The following GRID2 variants were observed in gnomAD, a reference collection of about 807,000 sequenced individuals.
GRID2 encodes glutamate ionotropic receptor delta type subunit 2.
In GRID2, 33 loss-of-function variants were observed where a neutral mutation model predicts 114.8. That is an observed-to-expected ratio of 0.29 (90% CI 0.22 to 0.38). The LOEUF (loss-of-function observed/expected upper bound fraction) is 0.38. Ranked by LOEUF, GRID2 falls within the 10% of genes least tolerant of loss-of-function variation. The pLI, the probability that GRID2 is intolerant of heterozygous loss-of-function variation, is 1.00. For synonymous variants in GRID2, 505 were observed against 449.9 expected (o/e 1.12, Z -1.55); for missense variants, 1,184 against 1,257.7 (o/e 0.94, Z 0.89).
intron 1 of GRID2, among the ~76,000 whole-genome samples, chr4:92,421,155 TA>T (rs1235567325): frequency 6.6e-6 from 1 of 152,092 alleles, no homozygotes; most frequent in African/African-American, 2.4e-5. Context: ...CTTTATCTTT[TA>T]TTAATTTTAT....
intron 2 of GRID2, among the ~76,000 whole-genome samples, chr4:92,700,971 G>A (rs1479195155): frequency 6.7e-6 from 1 of 148,490 alleles, no homozygotes; most frequent in Non-Finnish European, 1.5e-5. Flanking sequence ...TCCAGCCTGG[G>A]CGACAGAGCG....
chr4:93,679,133 C>A (rs573456773), intron 14 of GRID2, among the ~76,000 whole-genome samples: 1 of 151,032 alleles, frequency 6.6e-6, no homozygotes, highest in African/African-American at 2.5e-5. Flanking sequence ...CAATCCTAGT[C>A]TCTGATAAAA....
intron 4 of GRID2, among the ~76,000 whole-genome samples, chr4:93,194,492 TA>T (rs1443670918): frequency 1.3e-5 from 2 of 152,180 alleles, no homozygotes; most frequent in Non-Finnish European, 2.9e-5. Flanking sequence ...TGTCTTTAGT[TA>T]TTTCTGCTGG....
chr4:92,945,612 C>T (rs982798377), intron 2 of GRID2, among the ~76,000 whole-genome samples: 1 of 152,126 alleles, frequency 6.6e-6, no homozygotes, highest in African/African-American at 2.4e-5. Context: ...GTGATGGTCA[C>T]TGGGGAGGGA....
chr4:93,405,455 C>T (rs1766319403), intron 9 of GRID2, among the ~76,000 whole-genome samples: 1 of 152,064 alleles, frequency 6.6e-6, no homozygotes, highest in Non-Finnish European at 1.5e-5. Flanking sequence ...CTACTTTTCT[C>T]CTCTTGGAAG....
At chr4:93,173,267 A>C (rs934093704) in intron 4 of GRID2, among the ~76,000 whole-genome samples, 6 of 152,156 alleles carry the variant, frequency 3.9e-5, no homozygotes, top group Non-Finnish European at 5.9e-5. Flanking sequence ...GTGGAAAAAA[A>C]CAGTCTTTTT....
intron 13 of GRID2, among the ~76,000 whole-genome samples, chr4:93,611,831 C>A (rs1740954706): frequency 6.6e-6 from 1 of 151,566 alleles, no homozygotes; most frequent in Non-Finnish European, 1.5e-5. Context: ...TCTATTAGGT[C>A]CCCCTGGTGC....
At chr4:92,641,496 C>T (rs1394751873) in intron 2 of GRID2, among the ~76,000 whole-genome samples, 1 of 149,390 alleles carries the variant, frequency 6.7e-6, no homozygotes, top group African/African-American at 2.5e-5. Flanking sequence ...AACATAAAAA[C>T]TGTGAAAAAG....
intron 2 of GRID2, among the ~76,000 whole-genome samples, chr4:93,039,946 G>A (rs1216652865): frequency 6.6e-6 from 1 of 152,114 alleles, no homozygotes; most frequent in Non-Finnish European, 1.5e-5. Context: ...AATCTCCTTT[G>A]TATCTTAGGT....
intron 10 of GRID2, among the ~76,000 whole-genome samples, chr4:93,431,478 A>AG (rs1472246051): frequency 1.3e-5 from 2 of 152,222 alleles, no homozygotes; most frequent in Non-Finnish European, 2.9e-5. Flanking sequence ...TAGCAATGTC[A>AG]GAACTATTTG....
intron 1 of GRID2, among the ~76,000 whole-genome samples, chr4:92,518,310 C>G (rs1162581490): frequency 6.6e-6 from 1 of 151,846 alleles, no homozygotes; most frequent in Non-Finnish European, 1.5e-5. Context: ...TGCCAAGATA[C>G]AAAAGCTCAG....
intron 1 of GRID2, among the ~76,000 whole-genome samples, chr4:92,325,836 A>G (rs930598491): frequency 6.6e-6 from 1 of 151,628 alleles, no homozygotes; most frequent in Non-Finnish European, 1.5e-5. Flanking sequence ...TCTTCAATCT[A>G]TATTGTTTTC....
chr4:93,152,940 G>A (rs2149399168), intron 4 of GRID2, among the ~76,000 whole-genome samples: 1 of 152,200 alleles, frequency 6.6e-6, no homozygotes, highest in South Asian at 2.1e-4. Context: ...GTTTATCAGT[G>A]TTTACTTGGA....
At chr4:92,604,686 A>T (rs1347099042) in intron 2 of GRID2, among the ~76,000 whole-genome samples, 1 of 151,968 alleles carries the variant, frequency 6.6e-6, no homozygotes, top group Non-Finnish European at 1.5e-5. Context: ...CAGAACTTAA[A>T]ATAAAATATT....
intron 10 of GRID2, among the ~76,000 whole-genome samples, chr4:93,444,406 A>G (rs890372973): frequency 1.3e-5 from 2 of 152,022 alleles, no homozygotes; most frequent in Non-Finnish European, 2.9e-5. Flanking sequence ...AAGGCTTATC[A>G]CACATAAACT....
intron 8 of GRID2, among the ~76,000 whole-genome samples, chr4:93,332,368 C>G (rs550271826): frequency 6.7e-6 from 1 of 150,372 alleles, no homozygotes; most frequent in African/African-American, 2.5e-5. Flanking sequence ...GTTCTAAGTC[C>G]TAGCTGCATC....
intron 1 of GRID2, among the ~76,000 whole-genome samples, chr4:92,525,980 T>C (rs1472370919): frequency 6.6e-6 from 1 of 152,098 alleles, no homozygotes; most frequent in Non-Finnish European, 1.5e-5. Context: ...GCTCTCTATA[T>C]ATTTATACTA....
rs1364461201 is a variant in GRID2, at chr4:92,334,840, G to A, written c.88+30096G>A. On this transcript the variant is annotated intron_variant, in intron 1 of 15. Coordinates refer to ENST00000282020, the MANE Select transcript of GRID2 (RefSeq NM_001510.4). ...GGCTTTCAGCCTGACAACAAAGCCA[G>A]CATGCAGAACAGAGCTGAGCCAAGA... is the stretch of plus-strand genomic sequence containing the variant. 2.0e-5 allele frequency among the ~76,000 whole-genome samples: 3 copies of A among 152,306 alleles called. No individual in the cohort carries two copies. The South Asian group carries it at 6.2e-4, about 32-fold the overall frequency.
intron 1 of GRID2, among the ~76,000 whole-genome samples, chr4:92,508,593 G>A (rs146264567): frequency 5.9e-5 from 9 of 151,960 alleles, no homozygotes; most frequent in Non-Finnish European, 5.9e-5. Context: ...CACAAAAGCC[G>A]GAAGGGAGAC....
Sources: gnomAD v4.1 joint callset for allele counts (sites outside exome capture counted in the v4.1 genomes callset) on GRCh38, gnomAD v4.1.1 for gene constraint, MANE v1.5 for transcripts, NCBI Gene and HGNC (gene_info 2026-07-23, HGNC 2026-07-21) for gene names.